Variants in ACTR5 observed in about 807,000 individuals in gnomAD.
The protein encoded by ACTR5 is actin related protein 5.
ACTR5 carries 43 observed loss-of-function variants against 61.2 expected under a neutral mutation model. That is an observed-to-expected ratio of 0.70 (90% CI 0.55 to 0.91). The LOEUF (loss-of-function observed/expected upper bound fraction) is 0.91. Ranked by LOEUF, ACTR5 falls within the 40% of genes least tolerant of loss-of-function variation. The pLI, the probability that ACTR5 is intolerant of heterozygous loss-of-function variation, is 0.00. For synonymous variants in ACTR5, 333 were observed against 310.5 expected (o/e 1.07, Z -0.76); for missense variants, 798 against 782.2 (o/e 1.02, Z -0.24).
Position 38,771,710 on chromosome 20 carries a change from T to C in ACTR5, c.1718T>C (p.Ile573Thr), listed in dbSNP as rs1320514373. Residue 573 changes from isoleucine to threonine, a missense_variant, in exon 9 of 9, where the codon ATC becomes ACC. By Grantham distance (89) the Ile-to-Thr change is moderately conservative. Transcript: ENST00000243903. Reference sequence around the variant, plus strand: ...CTCAAGGAGCACTGTGCTTCCAACATCTATGTCCCCATCCGCCTGCCGAAG... The same window carrying C: ...CTCAAGGAGCACTGTGCTTCCAACACCTATGTCCCCATCCGCCTGCCGAAG... ...EYLKEHCASN[I>T]YVPIRLPKQA... 2.5e-6 allele frequency: 4 copies of C among 1,614,150 alleles called. No homozygotes were observed. In the South Asian group the frequency reaches 4.4e-5, roughly 18 times the overall value.
intron 5 of ACTR5, among the ~76,000 whole-genome samples, chr20:38,761,249 A>G (rs2084452330): frequency 6.6e-6 from 1 of 152,056 alleles, no homozygotes; most frequent in African/African-American, 2.4e-5. Flanking sequence ...AAATTGTTGT[A>G]GGACATCAGG....
chr20:38,766,508 C>G, intron 7 of ACTR5, 131 bp downstream of exon 7: 1 of 1,202,030 alleles, frequency 8.3e-7, no homozygotes, highest in Non-Finnish European at 1.1e-6. Flanking sequence ...ACTTGCTGTG[C>G]TCAGATAGTA....
Position 38,772,223 on chromosome 20 carries a change from A to T in ACTR5, c.*407A>T, listed in dbSNP as rs2084523890. On this transcript the variant is annotated 3_prime_UTR_variant, in exon 9 of 9. Transcript: ENST00000243903. ...CCGTGTAGATACTTTATTCTTCTGG[A>T]TGTATTCAGAAATTGCATGAATGCC... 1.1e-5 allele frequency: 2 copies of T among 178,408 alleles called. No individual in the cohort carries two copies. The highest frequency in any genetic ancestry group is 2.8e-4 in the South Asian group (2 of 7,246). The allele number at this position is 178,408 out of a possible 1,614,324, so 11.1% of individuals were successfully genotyped here.
intron 3 of ACTR5, 32 bp from the exon 4 acceptor site, chr20:38,754,925 A>G: frequency 6.2e-7 from 1 of 1,608,508 alleles, no homozygotes; most frequent in Non-Finnish European, 8.5e-7. Flanking sequence ...TAGTGTTTCC[A>G]TTTCATAACT....
chr20:38,750,212 C>T lies in ACTR5; in HGVS notation c.578C>T (p.Thr193Met), dbSNP rs200492781. The T allele has an allele frequency of 9.9e-6, 16 of 1,614,000 alleles. No individual in the cohort carries two copies. The highest frequency in any genetic ancestry group is 2.7e-5 in the African/African-American group (2 of 74,922). Residue 193 changes from threonine to methionine, a missense_variant, in exon 2 of 9, where the codon ACG (threonine) becomes ATG (methionine). Thr to Met is a moderately conservative substitution (Grantham distance 81, BLOSUM62 -1). Coordinates refer to ENST00000243903, the MANE Select transcript of ACTR5 (RefSeq NM_024855.4). Reference sequence around the variant, plus strand: ...ATCATTTCATCTGGATACCAGTGTACGCATGTTTTACCCATCTTAGAAGGG... The same window carrying T: ...ATCATTTCATCTGGATACCAGTGTATGCATGTTTTACCCATCTTAGAAGGG... ...GLIISSGYQC[T>M]HVLPILEGRL...
chr20:38,761,209 C>T (rs1040647200), intron 5 of ACTR5, among the ~76,000 whole-genome samples: 2 of 152,190 alleles, frequency 1.3e-5, no homozygotes, highest in Non-Finnish European at 2.9e-5. Flanking sequence ...GCATGAGTCA[C>T]CGTGCCTGGC....
At position 38,755,113 on chromosome 20, in the gene ACTR5, G is replaced by A. The variant is rs371854747; in HGVS notation, c.932G>A (p.Arg311Gln). The A allele has an allele frequency of 3.5e-5, 57 of 1,613,862 alleles. No homozygotes were observed. In the African/African-American group the frequency reaches 5.2e-4, roughly 15 times the overall value. Residue 311 changes from arginine (R) to glutamine (Q), a missense_variant, in exon 4 of 9, where the codon CGG becomes CAG. Arg to Gln is a conservative substitution (Grantham distance 43, BLOSUM62 1). Transcript: ENST00000243903. ...QLRRLQELNA[R>Q]RREEKLQLDQ... ...CGGCGGCTGCAGGAGCTCAATGCCC[G>A]GCGGCGGGAGGAGAAGCTGCAGCTG...
intron 5 of ACTR5, among the ~76,000 whole-genome samples, chr20:38,760,884 T>G (rs936188811): frequency 1.3e-5 from 2 of 152,082 alleles, no homozygotes; most frequent in Non-Finnish European, 2.9e-5. Context: ...GATCTTACTC[T>G]GTTGCACAGG....
chr20:38,755,087 G>A lies in ACTR5; in HGVS notation c.906G>A (p.Leu302=), dbSNP rs1260314006. Residue 302 remains leucine (L), a synonymous_variant, in exon 4 of 9, where the codon TTG becomes TTA. Transcript: ENST00000243903. ...AACAAGAAAGGCGGCAGCAGCAATT[G>A]CGGCGGCTGCAGGAGCTCAATGCCC... The part of the protein sequence containing the change: ...EEKQERRQQQ[L]RRLQELNARR... 1 of 1,614,138 alleles carries A rather than the reference G, an allele frequency of 6.2e-7. No individual in the cohort carries two copies. Among genetic ancestry groups the A allele is most frequent in the Non-Finnish European group, 8.5e-7 (1 of 1,180,058 alleles).
At chr20:38,759,916 C>A (rs1383201640) in intron 5 of ACTR5, among the ~76,000 whole-genome samples, 2 of 151,904 alleles carry the variant, frequency 1.3e-5, no homozygotes, top group Non-Finnish European at 2.9e-5. Flanking sequence ...ATCTGTAATC[C>A]CAACACTGAG....
At chr20:38,754,580 A>G (rs567028119) in intron 3 of ACTR5, among the ~76,000 whole-genome samples, 12 of 152,018 alleles carry the variant, frequency 7.9e-5, no homozygotes, top group Non-Finnish European at 1.6e-4. Flanking sequence ...TTAGCCGGGC[A>G]TGGTGGCAGG....
chr20:38,750,251 T>A lies in ACTR5; in HGVS notation c.605+12T>A, dbSNP rs2084378374. ...ATCTTAGAAGGGAGGTGAGTTGCAC[T>A]TGTGGCATTTGAGTGCGATTTTGAG... is the stretch of plus-strand genomic sequence containing the variant. On this transcript the variant is annotated intron_variant, in intron 2 of 8. Coordinates refer to ENST00000243903, the MANE Select transcript of ACTR5 (RefSeq NM_024855.4). 6.2e-7 allele frequency: 1 copy of A among 1,606,124 alleles called. No homozygotes were observed.
intron 1 of ACTR5, 43 bp from the exon 2 acceptor site, chr20:38,749,967 A>G: frequency 3.2e-6 from 5 of 1,542,192 alleles, no homozygotes; most frequent in Non-Finnish European, 3.6e-6. Context: ...CAAAAAGAGT[A>G]TTCTGTTACC....
intron 5 of ACTR5, among the ~76,000 whole-genome samples, chr20:38,763,452 C>A (rs954818502): frequency 2.0e-5 from 3 of 152,208 alleles, no homozygotes; most frequent in Admixed American, 1.3e-4. Context: ...ATTGCCTCAG[C>A]TGGTCTTGCT....
chr20:38,770,791 G>C (rs2084515057), intron 8 of ACTR5, among the ~76,000 whole-genome samples: 1 of 152,102 alleles, frequency 6.6e-6, no homozygotes, highest in Admixed American at 6.6e-5. Context: ...CTGGACTCCT[G>C]AGCCTGCACT....
In ACTR5 at chr20:38,755,150, T is replaced by C. The variant is rs779369830; in HGVS notation, c.969T>C (p.Arg323=). The change falls in exon 4 of 9, where the codon CGT becomes CGC. Residue 323 remains arginine (R), a synonymous_variant. Transcript: ENST00000243903. ...AGAAGCTGCAGCTGGATCAGGAGCGTCTGGACCGACTGCTATATGTGCAGG... is the reference window on the plus strand; with the variant it reads ...AGAAGCTGCAGCTGGATCAGGAGCGCCTGGACCGACTGCTATATGTGCAGG... ...REEKLQLDQE[R]LDRLLYVQEL... is the part of the protein sequence containing the mutation. The C allele has an allele frequency of 6.2e-7, 1 of 1,612,782 alleles. No homozygotes were observed. The highest frequency in any genetic ancestry group is 1.7e-5 in the Admixed American group (1 of 59,800).
intron 6 of ACTR5, 92 bp downstream of exon 6, chr20:38,765,610 TA>T (rs2084481696): frequency 9.5e-7 from 1 of 1,052,660 alleles, no homozygotes; most frequent in African/African-American, 1.6e-5. Context: ...TTAAAACTGT[TA>T]TGTTTTTTAG....
intron 5 of ACTR5, among the ~76,000 whole-genome samples, chr20:38,763,272 C>T (rs1003784620): frequency 2.0e-5 from 3 of 152,174 alleles, no homozygotes; most frequent in Non-Finnish European, 4.4e-5. Context: ...TGGGGTCATT[C>T]CTGAAGAGCT....
At chr20:38,754,716 G>A (rs1330029170) in intron 3 of ACTR5, among the ~76,000 whole-genome samples, 1 of 152,042 alleles carries the variant, frequency 6.6e-6, no homozygotes, top group African/African-American at 2.4e-5. Context: ...AGCCTCCCGA[G>A]TACCTGGGAT....
Sources: allele counts gnomAD v4.1 joint callset (sites outside exome capture counted in the v4.1 genomes callset), GRCh38; gene constraint gnomAD v4.1.1; transcripts MANE v1.5; gene names NCBI Gene and HGNC (gene_info 2026-07-23, HGNC 2026-07-21).